The following MYO3B variants were observed in gnomAD, a reference collection of about 807,000 sequenced individuals.
MYO3B encodes myosin-IIIb.
A neutral mutation model predicts 174.6 loss-of-function variants in MYO3B; 156 were observed. The ratio of observed to expected loss-of-function variants is 0.89; its 90% CI spans 0.78 to 1.02. MYO3B has a LOEUF of 1.02. MYO3B is among the 50% of genes least tolerant of loss of function. The pLI is 0.00. For synonymous variants in MYO3B, 563 were observed against 569.1 expected (o/e 0.99, Z 0.15); for missense variants, 1,632 against 1,639.4 (o/e 1.00, Z 0.08).
chr2:170,544,015 C>T (rs777649788), intron 32 of MYO3B, 27 bp downstream of exon 32: 42 of 1,501,520 alleles, frequency 2.8e-5, no homozygotes, highest in Middle Eastern at 1.7e-4. Context: ...GAATTGCATG[C>T]GGCTTCTACC....
intron 6 of MYO3B, among the ~76,000 whole-genome samples, chr2:170,230,785 GC>G (rs1193586990): frequency 1.3e-5 from 2 of 152,116 alleles, no homozygotes; most frequent in Non-Finnish European, 2.9e-5. Flanking sequence ...ACATTTTAGT[GC>G]CATAGTAAAA....
At chr2:170,433,472 G>T (rs2094727337) in intron 22 of MYO3B, among the ~76,000 whole-genome samples, 1 of 152,192 alleles carries the variant, frequency 6.6e-6, no homozygotes, top group Non-Finnish European at 1.5e-5. Context: ...AGAGTTGTCA[G>T]TTCACTGGTG....
intron 23 of MYO3B, among the ~76,000 whole-genome samples, chr2:170,461,343 G>A (rs776322893): frequency 8.6e-5 from 13 of 151,104 alleles, no homozygotes; most frequent in South Asian, 2.1e-4. Flanking sequence ...GCGTGGTGGC[G>A]GGCACCTGTA....
At chr2:170,610,106 G>A (rs557065917) in intron 32 of MYO3B, among the ~76,000 whole-genome samples, 1 of 152,344 alleles carries the variant, frequency 6.6e-6, no homozygotes, top group African/African-American at 2.4e-5. Flanking sequence ...GGAGGCCAAG[G>A]CGGGTGGTTC....
intron 32 of MYO3B, among the ~76,000 whole-genome samples, chr2:170,551,382 T>TTATTTATTTATGTATC (rs1198701361): frequency 7.2e-6 from 1 of 138,760 alleles, no homozygotes; most frequent in South Asian, 2.3e-4. Context: ...ATTTATTTAT[T>TTATTTATTTATGTATC]TATTTTTAGG....
chr2:170,200,284 G>T lies in MYO3B; in HGVS notation c.321G>T (p.Glu107Asp). ...GGGGACAGCTGTGGCTGGTCCTGGA[G>T]GTAAGAGGCTCCCATTGGGTAACCA... is the stretch of plus-strand genomic sequence containing the variant. The part of the protein sequence containing the change: ...CVGGQLWLVL[E>D]LCNGGSVTEL... Residue 107 changes from glutamate (E) to aspartate (D), a missense_variant and splice_region_variant, in exon 3 of 35, where the codon GAG becomes GAT. Glu to Asp is a conservative substitution (Grantham distance 45, BLOSUM62 2). Transcript: ENST00000408978. The T allele has an allele frequency of 6.2e-7, 1 of 1,609,142 alleles. No homozygotes were observed. The highest frequency in any genetic ancestry group is 8.5e-7 in the Non-Finnish European group (1 of 1,178,112).
intron 6 of MYO3B, among the ~76,000 whole-genome samples, chr2:170,219,375 G>A (rs979504451): frequency 3.3e-5 from 5 of 152,204 alleles, no homozygotes; most frequent in African/African-American, 1.2e-4. Context: ...CAGGAGCGGT[G>A]GCTCATGCCT....
rs72625216 is a variant in MYO3B, at chr2:170,547,372, T to G, written c.3733+3384T>G. On this transcript the variant is annotated intron_variant, in intron 32 of 34. Transcript: ENST00000408978. The stretch of plus-strand genomic sequence containing the variant: ...AGTGTCCCTAAACTGGCCCATGTGG[T>G]CCGGCTTATTGCTCACATTAAGAGA... Among the ~76,000 whole-genome samples, 4,287 of 150,926 alleles carry G rather than the reference T, an allele frequency of 0.028. 548 individuals are homozygous for G. In the East Asian group the frequency reaches 0.44, roughly 16 times the overall value.
rs369377488 is a variant in MYO3B at position 170,386,203 on chromosome 2, C to T, written c.1305C>T (p.Ser435=). 2.3e-4 allele frequency: 369 copies of T among 1,613,262 alleles called. No homozygotes were observed. Among genetic ancestry groups the T allele is most frequent in the Non-Finnish European group, 3.0e-4 (357 of 1,179,516 alleles). Reference sequence around the variant, plus strand: ...TTCTGTGCCAGTGCATTGTCATCAGCGGAGAGAGTGGCTCTGGGAAGACAG... The same window carrying T: ...TTCTGTGCCAGTGCATTGTCATCAGTGGAGAGAGTGGCTCTGGGAAGACAG... The part of the protein sequence containing the change: ...TLSKDQCIVI[S]GESGSGKTES... The change falls in exon 13 of 35, where the codon AGC becomes AGT. Residue 435 remains serine (S), a synonymous_variant. Coordinates refer to ENST00000408978, the MANE Select transcript of MYO3B (RefSeq NM_138995.5).
At position 170,653,061 on chromosome 2, in the gene MYO3B, C is replaced by T. The variant is rs371827101; in HGVS notation, c.3966C>T (p.Asn1322=). 7.6e-5 allele frequency: 123 copies of T among 1,614,208 alleles called. No individual in the cohort carries two copies. The African/African-American group carries it at 1.5e-3, about 20-fold the overall frequency. ...SPVDCIPEEN[N]SAHPSFFSSS... is the part of the protein sequence containing the mutation. The stretch of plus-strand genomic sequence containing the variant: ...TGGACTGTATCCCTGAGGAGAACAA[C>T]TCAGCCCACCCTTCCTTTTTTTCTT... Residue 1322 remains asparagine, a synonymous_variant, in exon 35 of 35, where the codon AAC becomes AAT. Coordinates refer to ENST00000408978, the MANE Select transcript of MYO3B (RefSeq NM_138995.5).
intron 8 of MYO3B, among the ~76,000 whole-genome samples, chr2:170,342,591 G>GA: frequency 6.6e-6 from 1 of 152,268 alleles, no homozygotes; most frequent in South Asian, 2.1e-4. Flanking sequence ...TGGGGCTAGA[G>GA]TAGTATCGCT....
At chr2:170,640,042 G>A (rs1347949920) in intron 32 of MYO3B, among the ~76,000 whole-genome samples, 1 of 152,112 alleles carries the variant, frequency 6.6e-6, no homozygotes, top group Non-Finnish European at 1.5e-5. Flanking sequence ...TTTTCAAAAT[G>A]GCAGATAGCT....
At chr2:170,301,788 G>A (rs2093666612) in intron 7 of MYO3B, among the ~76,000 whole-genome samples, 1 of 151,704 alleles carries the variant, frequency 6.6e-6, no homozygotes. Context: ...GTATTTCATG[G>A]CCTTTTTTTG....
chr2:170,396,496 A>T (rs1013712814), intron 16 of MYO3B, among the ~76,000 whole-genome samples: 6 of 152,100 alleles, frequency 3.9e-5, no homozygotes, highest in Non-Finnish European at 1.5e-5. Flanking sequence ...ATAGCCCAGA[A>T]ATATAAACTC....
intron 7 of MYO3B, among the ~76,000 whole-genome samples, chr2:170,279,456 G>A (rs1052920880): frequency 7.3e-6 from 1 of 137,110 alleles, no homozygotes; most frequent in African/African-American, 2.7e-5. Flanking sequence ...TTTATCCTTT[G>A]TCCACTTAAA....
At chr2:170,380,185 A>C (rs1017787363) in intron 9 of MYO3B, among the ~76,000 whole-genome samples, 3 of 152,238 alleles carry the variant, frequency 2.0e-5, no homozygotes, top group Admixed American at 1.3e-4. Flanking sequence ...GTGACAGAGA[A>C]GAATCAAGAA....
intron 32 of MYO3B, among the ~76,000 whole-genome samples, chr2:170,651,069 C>T (rs1464639652): frequency 6.6e-6 from 1 of 152,088 alleles, no homozygotes; most frequent in Non-Finnish European, 1.5e-5. Context: ...GTGCAATCAT[C>T]CTTTCTCCTT....
At chr2:170,644,143 TAACA>T (rs1305125919) in intron 32 of MYO3B, among the ~76,000 whole-genome samples, 1 of 152,234 alleles carries the variant, frequency 6.6e-6, no homozygotes, top group Non-Finnish European at 1.5e-5. Flanking sequence ...TTGCCAGATT[TAACA>T]AATAGAAATG....
chr2:170,654,177 A>G lies in MYO3B; in HGVS notation c.*1056A>G, dbSNP rs1699164066. On this transcript the variant is annotated 3_prime_UTR_variant, in exon 35 of 35. Transcript: ENST00000408978. ...GCTGATTATATTGTAATGATGTTAG[A>G]TAATACTCAACATGATTCAGTATGA... The G allele has an allele frequency of 6.6e-6, 1 of 152,210 alleles. No individual in the cohort carries two copies. The highest frequency in any genetic ancestry group is 1.5e-5 in the Non-Finnish European group (1 of 68,028). The allele number at this position is 152,210 out of a possible 1,614,324, so 9.4% of individuals were successfully genotyped here.
Sources: allele counts gnomAD v4.1 joint callset (sites outside exome capture counted in the v4.1 genomes callset), GRCh38; gene constraint gnomAD v4.1.1; transcripts MANE v1.5; gene names NCBI Gene and HGNC (gene_info 2026-07-23, HGNC 2026-07-21).